Variants in EWSR1 observed in about 807,000 individuals in gnomAD.
The protein encoded by EWSR1 is RNA-binding protein EWS.
In EWSR1, 14 loss-of-function variants were observed where a neutral mutation model predicts 92.1. The ratio of observed to expected loss-of-function variants is 0.15; its 90% CI spans 0.10 to 0.24. EWSR1 has a LOEUF of 0.24. Ranked by LOEUF, EWSR1 falls within the 10% of genes least tolerant of loss-of-function variation. EWSR1 has a pLI of 1.00. For missense variants in EWSR1, 637 were observed against 870.9 expected (o/e 0.73, Z 3.38); for synonymous variants, 303 against 292.9 (o/e 1.03, Z -0.35).
At chr22:29,287,775 C>G (rs2060157845) in intron 7 of EWSR1, among the ~76,000 whole-genome samples, 1 of 152,296 alleles carries the variant, frequency 6.6e-6, no homozygotes, top group East Asian at 1.9e-4. Flanking sequence ...TTTGGCCTCC[C>G]TATCAGTCAT....
intron 5 of EWSR1, among the ~76,000 whole-genome samples, chr22:29,280,862 GTTTTTTTTTTTTTT>G (rs71196650): frequency 2.2e-4 from 14 of 62,902 alleles, no homozygotes; most frequent in Non-Finnish European, 3.1e-4. Context: ...TGTGTGTGTT[GTTTTTTTTTTTTTT>G]TTTTTTTTTT....
intron 4 of EWSR1, chr22:29,275,879 A>C: frequency 4.3e-6 from 1 of 231,156 alleles, no homozygotes; most frequent in East Asian, 6.1e-5. Flanking sequence ...AGTTGTCAGC[A>C]CATAGTAGGT....
intron 4 of EWSR1, chr22:29,275,571 T>C (rs1380423775): frequency 4.4e-6 from 1 of 227,304 alleles, no homozygotes; most frequent in African/African-American, 2.2e-5. Context: ...AAATTAAGCC[T>C]GATGAGCAAA....
chr22:29,295,682 A>C (rs1602540473), intron 11 of EWSR1: 1 of 223,098 alleles, frequency 4.5e-6, no homozygotes, highest in Middle Eastern at 1.4e-3. Flanking sequence ...ATAATGCAAA[A>C]AAGTACACGT....
At chr22:29,282,650 A>G (rs1443035952) in intron 6 of EWSR1, 93 bp downstream of exon 6, 14 of 1,074,408 alleles carry the variant, frequency 1.3e-5, no homozygotes, top group Non-Finnish European at 1.8e-5. Context: ...CAGCTAAGGT[A>G]TGTTATCTGA....
intron 6 of EWSR1, among the ~76,000 whole-genome samples, chr22:29,286,069 G>A (rs1312858818): frequency 2.6e-5 from 4 of 151,962 alleles, no homozygotes. Context: ...TCGATCTCTT[G>A]ACCTCATGAT....
intron 5 of EWSR1, among the ~76,000 whole-genome samples, chr22:29,281,639 GGCGC>G (rs2059611341): frequency 1.3e-5 from 2 of 151,930 alleles, no homozygotes; most frequent in Non-Finnish European, 1.5e-5. Flanking sequence ...GGAGTGCAGT[GGCGC>G]GATCTCGGCT....
At chr22:29,270,886 A>AT (rs1348416142) in intron 1 of EWSR1, among the ~76,000 whole-genome samples, 1 of 152,146 alleles carries the variant, frequency 6.6e-6, no homozygotes, top group African/African-American at 2.4e-5. Flanking sequence ...TGAACAGATT[A>AT]TTTTTTTCAT....
Position 29,278,069 on chromosome 22 carries a change from C to T in EWSR1, c.266C>T (p.Pro89Leu), listed in dbSNP as rs2059257187. The change falls in exon 5 of 17, where the codon CCT (proline) becomes CTT (leucine). Residue 89 changes from proline (P) to leucine (L), a missense_variant. This residue lies in a region of EWSR1 where 144 missense variants were observed against 189.0 expected (regional missense o/e 0.76). Transcript: ENST00000397938. ...TPTAPQAYSQ[P>L]VQGYGTGAYD... ...ACTGCCCCCCAGGCATACAGCCAGC[C>T]TGTCCAGGGGTATGGCACTGGTGCT... 1 of 1,614,034 alleles carries T rather than the reference C, an allele frequency of 6.2e-7. No homozygotes were observed. The highest frequency in any genetic ancestry group is 8.5e-7 in the Non-Finnish European group (1 of 1,179,908).
intron 4 of EWSR1, chr22:29,274,213 T>C: frequency 6.3e-7 from 1 of 1,599,080 alleles, no homozygotes; most frequent in Non-Finnish European, 8.6e-7. Flanking sequence ...TTTTCACATG[T>C]TTGCTTCATC....
In EWSR1 at chr22:29,298,819, C is replaced by G. The variant is rs2061097398; in HGVS notation, c.1504C>G (p.Pro502Ala). ...GDRGGFPPRG[P>A]RGSRGNPSGG... Reference sequence around the variant, plus strand: ...TAGAGGAGGCTTCCCTCCAAGAGGACCCCGGGGTTCCCGAGGGAACCCCTC... The same window carrying G: ...TAGAGGAGGCTTCCCTCCAAGAGGAGCCCGGGGTTCCCGAGGGAACCCCTC... The change falls in exon 14 of 17, where the codon CCC becomes GCC. Residue 502 changes from proline (P) to alanine (A), a missense_variant. Transcript: ENST00000397938. 6.2e-7 allele frequency: 1 copy of G among 1,601,266 alleles called. No homozygotes were observed. The highest frequency in any genetic ancestry group is 1.1e-5 in the South Asian group (1 of 89,126).
chr22:29,291,962 C>A, intron 9 of EWSR1, 175 bp from the exon 10 acceptor site: 1 of 650,456 alleles, frequency 1.5e-6, no homozygotes, highest in Non-Finnish European at 2.7e-6. Flanking sequence ...CAAACCCTAG[C>A]AAACCTTTCA....
chr22:29,299,090 CAATGCTGCCT>C (rs2061126060), intron 14 of EWSR1, 134 bp from the exon 15 acceptor site: 2 of 1,499,380 alleles, frequency 1.3e-6, no homozygotes, highest in East Asian at 4.5e-5. Context: ...CCTGTGGGTG[CAATGCTGCCT>C]GAGGCTGTGC....
chr22:29,296,135 T>A, intron 11 of EWSR1, 104 bp from the exon 12 acceptor site: 1 of 1,137,048 alleles, frequency 8.8e-7, no homozygotes, highest in Non-Finnish European at 1.2e-6. Context: ...ATTTAGTGAC[T>A]TACTACATGT....
At chr22:29,271,703 A>G (rs1158964624) in intron 1 of EWSR1, among the ~76,000 whole-genome samples, 6 of 152,204 alleles carry the variant, frequency 3.9e-5, no homozygotes, top group Non-Finnish European at 2.9e-5. Context: ...ATTCCGTTTC[A>G]CTGTCGTTGA....
chr22:29,296,038 G>T, intron 11 of EWSR1: 2 of 537,440 alleles, frequency 3.7e-6, no homozygotes, highest in Non-Finnish European at 6.6e-6. Context: ...TCCACACTTT[G>T]GTCTACTTTG....
chr22:29,273,917 A>G (rs2058894918), intron 4 of EWSR1, 53 bp downstream of exon 4: 22 of 1,606,580 alleles, frequency 1.4e-5, no homozygotes, highest in Admixed American at 8.6e-5. Context: ...GGCATTGGCT[A>G]AGAAGCTTAT....
intron 9 of EWSR1, 28 bp downstream of exon 9, chr22:29,291,627 G>C: frequency 6.3e-7 from 1 of 1,591,466 alleles, no homozygotes; most frequent in Non-Finnish European, 8.5e-7. Context: ...ACCATAGATA[G>C]TGTTTAAAAA....
At chr22:29,276,351 GAACTATGTATACTTTCATACACATTTT>G (rs2059124120) in intron 4 of EWSR1, 1 of 228,108 alleles carries the variant, frequency 4.4e-6, no homozygotes, top group African/African-American at 2.2e-5. Flanking sequence ...CTGTTTTCTG[GAACTATGTATACTTTCATACACATTTT>G]AACTCAGCAG....
Sources: gnomAD v4.1 joint callset for allele counts (sites outside exome capture counted in the v4.1 genomes callset) on GRCh38, gnomAD v4.1.1 for gene constraint, gnomAD v4.1.1 regional missense constraint, MANE v1.5 for transcripts, NCBI Gene and HGNC (gene_info 2026-07-23, HGNC 2026-07-21) for gene names.